The following MYO9A variants were observed in gnomAD, a reference collection of about 807,000 sequenced individuals.
MYO9A encodes unconventional myosin-IXa.
A neutral mutation model predicts 293.3 loss-of-function variants in MYO9A; 103 were observed. The ratio of observed to expected loss-of-function variants is 0.35; its 90% CI spans 0.30 to 0.41. The LOEUF (loss-of-function observed/expected upper bound fraction) is 0.41. MYO9A is among the 10% of genes least tolerant of loss of function. MYO9A has a pLI of 1.00. For missense variants in MYO9A, 2,685 were observed against 3,033.0 expected (o/e 0.89, Z 2.69); for synonymous variants, 1,001 against 1,035.7 (o/e 0.97, Z 0.64).
chr15:72,059,356 T>C (rs891049145), intron 1 of MYO9A, among the ~76,000 whole-genome samples: 1 of 152,208 alleles, frequency 6.6e-6, no homozygotes, highest in African/African-American at 2.4e-5. Flanking sequence ...TTAATGCTTC[T>C]TGGGGCACAT....
At position 71,826,791 on chromosome 15, in the gene MYO9A, T is replaced by G. The variant is rs749616665; in HGVS notation, c.7436A>C (p.Lys2479Thr). The change falls in exon 42 of 42, where the codon AAA becomes ACA. Residue 2479 changes from lysine to threonine, a missense_variant. Physicochemically the swap from Lys to Thr is moderately conservative, Grantham distance 78. Around this residue, in one of 10 missense-constraint regions of MYO9A, gnomAD observed 350 missense variants for 328.9 expected, o/e 1.06. Coordinates refer to ENST00000356056, the MANE Select transcript of MYO9A (RefSeq NM_006901.4). ...GAACTGAGGCTTGTCTTCCAGGAAT[T>G]TGGTCTGGCCCAATGGTCCTTCCAT... The part of the protein sequence containing the change: ...LGMEGPLGQT[K>T]FLEDKPQFIS... 1.3e-5 allele frequency: 21 copies of G among 1,614,028 alleles called. No homozygotes were observed. In the South Asian group the frequency reaches 2.2e-4, roughly 17 times the overall value.
chr15:72,101,983 A>C (rs2080362621), intron 1 of MYO9A, among the ~76,000 whole-genome samples: 1 of 151,514 alleles, frequency 6.6e-6, no homozygotes, highest in South Asian at 2.1e-4. Flanking sequence ...CCCGTCTGGG[A>C]GGTGTGCCCA....
Position 72,046,599 on chromosome 15 carries a change from T to C in MYO9A, c.-36A>G, listed in dbSNP as rs1415040190. The C allele has an allele frequency of 6.7e-7, 1 of 1,491,974 alleles. No individual in the cohort carries two copies. The highest frequency in any genetic ancestry group is 8.9e-7 in the Non-Finnish European group (1 of 1,120,866). 92.4% of individuals were successfully genotyped at this position (1,491,974 alleles called of 1,614,324 possible). On this transcript the variant is annotated 5_prime_UTR_variant, in exon 2 of 42. Coordinates refer to ENST00000356056, the MANE Select transcript of MYO9A (RefSeq NM_006901.4). ...GTCCCATCAGCATGGATAGTATATGTTCAAAGTCGTGCAAACCATTTTCTT... is the reference window on the plus strand; with the variant it reads ...GTCCCATCAGCATGGATAGTATATGCTCAAAGTCGTGCAAACCATTTTCTT...
At chr15:71,848,563 A>C (rs1009503422) in intron 39 of MYO9A, among the ~76,000 whole-genome samples, 3 of 152,308 alleles carry the variant, frequency 2.0e-5, no homozygotes, top group African/African-American at 7.2e-5. Flanking sequence ...TTTCATAGAA[A>C]GGACATGAAA....
intron 12 of MYO9A, among the ~76,000 whole-genome samples, chr15:71,977,780 G>A (rs915933211): frequency 6.6e-6 from 1 of 152,180 alleles, no homozygotes; most frequent in Non-Finnish European, 1.5e-5. Context: ...GCTCACGCCT[G>A]TAATCCCAGC....
At chr15:72,052,234 T>C (rs1192532255) in intron 1 of MYO9A, among the ~76,000 whole-genome samples, 1 of 152,016 alleles carries the variant, frequency 6.6e-6, no homozygotes, top group South Asian at 2.1e-4. Context: ...CCAGCTGCAG[T>C]GAGGAGCTAC....
intron 33 of MYO9A, among the ~76,000 whole-genome samples, chr15:71,861,699 A>C (rs973225908): frequency 4.7e-5 from 7 of 149,530 alleles, no homozygotes; most frequent in Admixed American, 2.7e-4. Flanking sequence ...AAAAAAAAAA[A>C]AACAAATAAG....
rs562939657 is a variant in MYO9A at position 71,991,074 on chromosome 15, G to A, written c.1722+29C>T. On this transcript the variant is annotated intron_variant, in intron 11 of 41. Coordinates refer to ENST00000356056, the MANE Select transcript of MYO9A (RefSeq NM_006901.4). ...GACTCAAAGATATGTGTGATGGGGG[G>A]ACAAGTGTATACATATTTAGGTACT... 13 of 1,503,754 alleles carry A rather than the reference G, an allele frequency of 8.6e-6. No homozygotes were observed. The South Asian group carries it at 1.1e-4, about 13-fold the overall frequency. 93.2% of individuals were successfully genotyped at this position (1,503,754 alleles called of 1,614,324 possible).
chr15:72,111,088 G>A (rs1197320216), intron 1 of MYO9A, among the ~76,000 whole-genome samples: 1 of 151,664 alleles, frequency 6.6e-6, no homozygotes, highest in Admixed American at 6.6e-5. Context: ...GAACCTGGGA[G>A]GCAGAGCTTG....
chr15:71,859,275 A>T (rs2056010963), intron 34 of MYO9A, among the ~76,000 whole-genome samples: 1 of 152,236 alleles, frequency 6.6e-6, no homozygotes, highest in African/African-American at 2.4e-5. Context: ...AAGGTATCAA[A>T]CAGTATGTGT....
chr15:72,017,738 C>A (rs2077386743), intron 6 of MYO9A, among the ~76,000 whole-genome samples: 1 of 152,154 alleles, frequency 6.6e-6, no homozygotes, highest in South Asian at 2.1e-4. Context: ...CTGTGAGAAT[C>A]ACAGTTGTGG....
intron 39 of MYO9A, among the ~76,000 whole-genome samples, chr15:71,832,227 G>C (rs976593982): frequency 1.3e-5 from 2 of 152,210 alleles, no homozygotes; most frequent in Non-Finnish European, 2.9e-5. Flanking sequence ...AGTGAGCCAA[G>C]ATTACGCCAC....
intron 15 of MYO9A, among the ~76,000 whole-genome samples, chr15:71,945,350 C>T (rs1194384306): frequency 1.3e-5 from 2 of 152,124 alleles, no homozygotes; most frequent in African/African-American, 4.8e-5. Flanking sequence ...TCAGAGAGGC[C>T]TAGCAAGTAA....
chr15:72,070,490 C>G (rs928838598), intron 1 of MYO9A, among the ~76,000 whole-genome samples: 1 of 150,906 alleles, frequency 6.6e-6, no homozygotes, highest in Non-Finnish European at 1.5e-5. Flanking sequence ...AGGCCTCAAT[C>G]TACGGGTTAA....
Position 72,070,359 on chromosome 15 carries a change from C to T in MYO9A, c.-71-23725G>A, listed in dbSNP as rs375506381. Among the ~76,000 whole-genome samples, 40 of 150,444 alleles carry T rather than the reference C, an allele frequency of 2.7e-4. No homozygotes were observed. In the East Asian group the frequency reaches 7.5e-3, roughly 28 times the overall value. The stretch of plus-strand genomic sequence containing the variant: ...GTCCCAGCTACTCGGGAGGCTGAGG[C>T]AGGAGAATCACTTGAACCGGAAGGC... On this transcript the variant is annotated intron_variant, in intron 1 of 41. Transcript: ENST00000356056.
At chr15:71,892,410 A>G (rs187166782) in intron 26 of MYO9A, 2 of 152,218 alleles carry the variant, frequency 1.3e-5, no homozygotes, top group Non-Finnish European at 2.9e-5. Flanking sequence ...AAAAAATGTA[A>G]AAGTGCATTG....
At chr15:72,006,898 G>C (rs918302041) in intron 8 of MYO9A, among the ~76,000 whole-genome samples, 1 of 152,054 alleles carries the variant, frequency 6.6e-6, no homozygotes, top group African/African-American at 2.4e-5. Flanking sequence ...TTCCCAGAGG[G>C]GTACAGGTTA....
At position 71,825,485 on chromosome 15, in the gene MYO9A, T is replaced by TTAGA. The variant is rs929819992; in HGVS notation, c.*1091_*1094dup. 6.6e-5 allele frequency: 10 copies of TTAGA among 152,316 alleles called. No individual in the cohort carries two copies. Among genetic ancestry groups the TTAGA allele is most frequent in the South Asian group, 4.1e-4 (2 of 4,826 alleles). 9.4% of individuals were successfully genotyped at this position (152,316 alleles called of 1,614,324 possible). A position where few individuals can be genotyped will look rare whatever the true frequency, so the allele number is the denominator to read the frequency against. ...GAAAAGGAAGATAAAAGTTAGTTAGTTAGATAGGTCATATTAAAAACCTTT... is the reference window on the plus strand; with the variant it reads ...GAAAAGGAAGATAAAAGTTAGTTAGTTAGATAGATAGGTCATATTAAAAACCTTT... On this transcript the variant is annotated 3_prime_UTR_variant, in exon 42 of 42. Coordinates refer to ENST00000356056, the MANE Select transcript of MYO9A (RefSeq NM_006901.4).
intron 39 of MYO9A, among the ~76,000 whole-genome samples, chr15:71,839,606 C>T (rs1307909769): frequency 3.9e-5 from 6 of 152,008 alleles, no homozygotes; most frequent in Admixed American, 1.3e-4. Context: ...GATGATATCT[C>T]GCATTGTTGC....
Sources: gnomAD v4.1 joint callset for allele counts (sites outside exome capture counted in the v4.1 genomes callset) on GRCh38, gnomAD v4.1.1 for gene constraint, gnomAD v4.1.1 regional missense constraint, MANE v1.5 for transcripts, NCBI Gene and HGNC (gene_info 2026-07-23, HGNC 2026-07-21) for gene names.